BRD1: variants seen among roughly 807,000 people sequenced by gnomAD.
BRD1 encodes the protein bromodomain-containing protein 1.
Under a neutral mutation model 107.7 loss-of-function variants are expected in BRD1, and 24 were observed. That is an observed-to-expected ratio of 0.22 (90% CI 0.16 to 0.31). BRD1 has a LOEUF of 0.31. BRD1 is among the 10% of genes least tolerant of loss of function. The probability of loss-of-function intolerance (pLI) is 1.00; values close to 1 mark genes in which losing one functional copy is unlikely to be tolerated. For missense variants in BRD1, 1,279 were observed against 1,638.6 expected, an observed-to-expected ratio of 0.78 and a Z score of 3.79; for synonymous variants, 744 against 686.1, an observed-to-expected ratio of 1.08 and a Z score of -1.32.
At chr22:49,780,642 C>A (rs4824096) in intron 8 of BRD1, among the ~76,000 whole-genome samples, 12,714 of 152,290 alleles carry the variant, frequency 0.083, 641 homozygotes, top group South Asian at 0.16. Flanking sequence ...AGGTGGCCTG[C>A]GCTGCCCGGA....
chr22:49,820,108 C>A (rs1362948953), intron 2 of BRD1, among the ~76,000 whole-genome samples: 2 of 151,424 alleles, frequency 1.3e-5, no homozygotes, highest in Non-Finnish European at 2.9e-5. Flanking sequence ...GCAGCCTGGG[C>A]AACAAAGCAA....
Position 49,824,898 on chromosome 22 carries a change from G to C in BRD1, c.-14-567C>G, listed in dbSNP as rs1281023613. On this transcript the variant is annotated intron_variant, in intron 1 of 12. Coordinates refer to ENST00000404760, the MANE Select transcript of BRD1 (RefSeq NM_001304808.3). This position sits in a 1 kb window ranked among gnomAD's most constrained non-coding sequence, Gnocchi z 5.9. The stretch of plus-strand genomic sequence containing the variant: ...CACAGTCCTTGCAGCATTCCTGCTG[G>C]GGCCAGGGGTAGGAGACAGATCACA... The C allele has an allele frequency of 5.8e-6, 5 of 859,596 alleles. No homozygotes were observed. The highest frequency in any genetic ancestry group is 7.0e-6 in the Non-Finnish European group (5 of 709,874). The allele number at this position is 859,596 out of a possible 1,614,324, so 53.2% of individuals were successfully genotyped here.
At chr22:49,826,902 G>A (rs2060153189) in intron 1 of BRD1, among the ~76,000 whole-genome samples, 2 of 152,172 alleles carry the variant, frequency 1.3e-5, no homozygotes, top group South Asian at 2.1e-4. Flanking sequence ...CGCCTCAATC[G>A]TGTCACTCGT....
chr22:49,809,644 C>T (rs1232762786), intron 2 of BRD1, among the ~76,000 whole-genome samples: 1 of 151,888 alleles, frequency 6.6e-6, no homozygotes, highest in Non-Finnish European at 1.5e-5. Context: ...CATTAAGGAG[C>T]AGAAAGTGGG....
At position 49,794,227 on chromosome 22, in the gene BRD1, C is replaced by T. The variant is rs777643887; in HGVS notation, c.2166G>A (p.Leu722=). 3 of 1,614,114 alleles carry T rather than the reference C, an allele frequency of 1.9e-6. No individual in the cohort carries two copies. The highest frequency in any genetic ancestry group is 3.3e-5 in the Admixed American group (2 of 60,030). The change falls in exon 7 of 13, where the codon CTG becomes CTA. Residue 722 remains leucine, a synonymous_variant. Coordinates refer to ENST00000404760, the MANE Select transcript of BRD1 (RefSeq NM_001304808.3). ...LGLEEQLREL[L]DMLDLTCAMK... is the part of the protein sequence containing the mutation. The stretch of plus-strand genomic sequence containing the variant: ...TAGCGCAGGTGAGGTCGAGCATGTC[C>T]AGCAGCTCTCTCAGCTGCTCCTCCA...
chr22:49,810,568 C>G (rs2059830748), intron 2 of BRD1, among the ~76,000 whole-genome samples: 1 of 152,128 alleles, frequency 6.6e-6, no homozygotes, highest in Non-Finnish European at 1.5e-5. Context: ...AAAGTATTTG[C>G]AAGTCATGTA....
intron 8 of BRD1, among the ~76,000 whole-genome samples, chr22:49,786,725 G>T (rs915651750): frequency 2.0e-5 from 3 of 152,132 alleles, no homozygotes; most frequent in Non-Finnish European, 4.4e-5. Context: ...CAAGTGCTGG[G>T]AGCGGCCAGT....
intron 3 of BRD1, among the ~76,000 whole-genome samples, chr22:49,802,040 C>A (rs2059651895): frequency 6.6e-6 from 1 of 152,274 alleles, no homozygotes; most frequent in Non-Finnish European, 1.5e-5. Context: ...CTGTGACTTA[C>A]CTGGAGTTCT....
intron 2 of BRD1, among the ~76,000 whole-genome samples, chr22:49,818,549 G>A (rs2060001009): frequency 6.6e-6 from 1 of 152,114 alleles, no homozygotes; most frequent in African/African-American, 2.4e-5. Context: ...TTTCAAACTG[G>A]TGCAAATGGA....
chr22:49,798,889 G>A (rs2059586901), intron 4 of BRD1, 99 bp downstream of exon 4: 1 of 1,489,334 alleles, frequency 6.7e-7, no homozygotes, highest in Non-Finnish European at 8.9e-7. Flanking sequence ...TGTGGGCCAG[G>A]ACCCACCGGG....
chr22:49,806,606 C>CT (rs1003914537), intron 2 of BRD1: 7 of 152,350 alleles, frequency 4.6e-5, no homozygotes, highest in African/African-American at 1.7e-4. Flanking sequence ...TCCCTGAGGG[C>CT]TGGGTGGACT....
intron 8 of BRD1, among the ~76,000 whole-genome samples, chr22:49,785,390 G>A (rs772792586): frequency 2.0e-5 from 3 of 152,242 alleles, no homozygotes; most frequent in East Asian, 1.9e-4. Flanking sequence ...GTGAAACCCC[G>A]AGGAAGTGGA....
intron 12 of BRD1, 45 bp from the exon 13 acceptor site, chr22:49,774,461 G>T: frequency 6.4e-7 from 1 of 1,573,758 alleles, no homozygotes; most frequent in East Asian, 2.3e-5. Context: ...CTTGCACATG[G>T]TATTTCAGCA....
Position 49,823,814 on chromosome 22 carries a change from G to T in BRD1, c.504C>A (p.Ile168=), listed in dbSNP as rs376460274. The T allele has an allele frequency of 1.2e-6, 2 of 1,614,010 alleles. No homozygotes were observed. Among genetic ancestry groups the T allele is most frequent in the African/African-American group, 2.7e-5 (2 of 74,942 alleles). ...AGTCGCCCTTGCGCTTCTCATTGAC[G>T]ATCTCCAGCCAGGCATAGTCCTCCT... ...MDEEDYAWLE[I]VNEKRKGDCV... The change falls in exon 2 of 13, where the codon ATC becomes ATA. Residue 168 remains isoleucine, a synonymous_variant. Transcript: ENST00000404760.
intron 2 of BRD1, among the ~76,000 whole-genome samples, chr22:49,805,122 G>A (rs756566138): frequency 6.6e-6 from 1 of 152,304 alleles, no homozygotes; most frequent in Non-Finnish European, 1.5e-5. Context: ...GGTATAAGCC[G>A]CTAACAGGTG....
chr22:49,778,810 C>T (rs1373719586), intron 8 of BRD1, among the ~76,000 whole-genome samples: 12 of 151,990 alleles, frequency 7.9e-5, no homozygotes, highest in Non-Finnish European at 1.5e-5. Flanking sequence ...TACAGGCGCC[C>T]GCCACCATGC....
intron 2 of BRD1, chr22:49,806,377 G>A (rs1189795480): frequency 6.6e-6 from 1 of 152,190 alleles, no homozygotes; most frequent in African/African-American, 2.4e-5. Context: ...CAGATGCAGA[G>A]GTGTGCGTCT....
chr22:49,789,158 C>T lies in BRD1; in HGVS notation c.2360-1271G>A, dbSNP rs904830514. Among the ~76,000 whole-genome samples, 5 of 152,316 alleles carry T rather than the reference C, an allele frequency of 3.3e-5. No homozygotes were observed. The South Asian group carries it at 8.3e-4, about 25-fold the overall frequency. On this transcript the variant is annotated intron_variant, in intron 7 of 12. Transcript: ENST00000404760. ...AGCCTCACCTCAACAAAAAGCCTCCCGTGTCAGCCGCAGGGAGCACAGCTG... is the reference window on the plus strand; with the variant it reads ...AGCCTCACCTCAACAAAAAGCCTCCTGTGTCAGCCGCAGGGAGCACAGCTG...
chr22:49,787,999 A>C (rs916508998), intron 7 of BRD1, 112 bp from the exon 8 acceptor site: 17 of 1,089,820 alleles, frequency 1.6e-5, no homozygotes, highest in Non-Finnish European at 2.2e-5. Context: ...TAAGGAAACA[A>C]GGCATCGCAT....
Sources: gnomAD v4.1 joint callset for allele counts (sites outside exome capture counted in the v4.1 genomes callset) on GRCh38, gnomAD v4.1.1 for gene constraint, Gnocchi (gnomAD v3.1) non-coding constraint, MANE v1.5 for transcripts, NCBI Gene and HGNC (gene_info 2026-07-23, HGNC 2026-07-21) for gene names.